Variants in NTM observed in about 807,000 individuals in gnomAD.
NTM encodes neurotrimin.
NTM carries 13 observed loss-of-function variants against 42.1 expected under a neutral mutation model. That is an observed-to-expected ratio of 0.31 (90% CI 0.20 to 0.49). NTM has a LOEUF of 0.49. Ranked by LOEUF, NTM falls within the 20% of genes least tolerant of loss-of-function variation. The pLI is 0.99. For missense variants in NTM, 373 were observed against 452.8 expected, an observed-to-expected ratio of 0.82 and a Z score of 1.60; for synonymous variants, 187 against 179.2, an observed-to-expected ratio of 1.04 and a Z score of -0.35.
chr11:131,523,243 T>G (rs2049992170), intron 1 of NTM, among the ~76,000 whole-genome samples: 1 of 152,188 alleles, frequency 6.6e-6, no homozygotes, highest in Admixed American at 6.5e-5. Context: ...TCAAGAGAAC[T>G]CCTAGGACAT....
Position 131,833,822 on chromosome 11 carries a change from G to C in NTM, c.83-77742G>C, listed in dbSNP as rs141803313. 1.4e-3 allele frequency among the ~76,000 whole-genome samples: 220 copies of C among 152,256 alleles called. 3 individuals carry two copies. The highest frequency in any genetic ancestry group is 5.0e-3 in the African/African-American group (207 of 41,554). On this transcript the variant is annotated intron_variant, in intron 1 of 8. Coordinates refer to ENST00000683400, the MANE Select transcript of NTM (RefSeq NM_001352005.2). Reference sequence around the variant, plus strand: ...GGCATAAATTCTATTATGCAAGAAAGGTAACTTCCTTTTTCTTCCTGTAAC... The same window carrying C: ...GGCATAAATTCTATTATGCAAGAAACGTAACTTCCTTTTTCTTCCTGTAAC...
chr11:132,287,938 G>A (rs1415475519), intron 4 of NTM, among the ~76,000 whole-genome samples: 2 of 152,124 alleles, frequency 1.3e-5, no homozygotes, highest in Non-Finnish European at 2.9e-5. Flanking sequence ...AATAATTGAG[G>A]CTACTCATTT....
At chr11:131,592,040 T>C (rs1455404438) in intron 1 of NTM, among the ~76,000 whole-genome samples, 1 of 152,184 alleles carries the variant, frequency 6.6e-6, no homozygotes, top group Non-Finnish European at 1.5e-5. Flanking sequence ...GGTTGGATAA[T>C]GATGTTCCTC....
intron 1 of NTM, chr11:131,605,778 A>G (rs1170950705): frequency 3.0e-6 from 3 of 984,422 alleles, no homozygotes; most frequent in Non-Finnish European, 3.6e-6. Flanking sequence ...AAGGTGCCCT[A>G]TTCAATTTGA....
At chr11:131,385,045 G>A (rs1358429763) in intron 1 of NTM, among the ~76,000 whole-genome samples, 1 of 152,164 alleles carries the variant, frequency 6.6e-6, no homozygotes, top group Non-Finnish European at 1.5e-5. Flanking sequence ...GGAGGTACCC[G>A]GGCATTGCCC....
intron 2 of NTM, among the ~76,000 whole-genome samples, chr11:132,037,296 A>C (rs2076625480): frequency 6.6e-6 from 1 of 152,100 alleles, no homozygotes; most frequent in Admixed American, 6.5e-5. Context: ...TGATTTCTGC[A>C]CATGCCGGCT....
At chr11:131,989,192 T>G (rs1368092856) in intron 2 of NTM, among the ~76,000 whole-genome samples, 1 of 152,228 alleles carries the variant, frequency 6.6e-6, no homozygotes, top group African/African-American at 2.4e-5. Flanking sequence ...ATGTCTCATG[T>G]TATCCCCTGC....
At chr11:131,851,305 G>C (rs9787803) in intron 1 of NTM, among the ~76,000 whole-genome samples, 1 of 151,644 alleles carries the variant, frequency 6.6e-6, no homozygotes, top group African/African-American at 2.4e-5. Context: ...GCTTGGGAGG[G>C]TGTACAGTCC....
intron 1 of NTM, among the ~76,000 whole-genome samples, chr11:131,518,983 C>A (rs528216038): frequency 1.3e-5 from 2 of 152,336 alleles, no homozygotes; most frequent in East Asian, 3.9e-4. Context: ...TTTTATTTCT[C>A]TGCAGAAGTA....
chr11:131,853,807 G>A (rs1329811904), intron 1 of NTM, among the ~76,000 whole-genome samples: 1 of 152,150 alleles, frequency 6.6e-6, no homozygotes, highest in African/African-American at 2.4e-5. Context: ...AGGTCTTTGA[G>A]GAATCACCAG....
Position 131,615,406 on chromosome 11 carries a change from C to A in NTM, c.82+244518C>A, listed in dbSNP as rs150556722. Among the ~76,000 whole-genome samples the A allele has an allele frequency of 1.5e-3, 235 of 152,218 alleles. 1 individual carries two copies. Among genetic ancestry groups the A allele is most frequent in the African/African-American group, 5.6e-3 (231 of 41,500 alleles). On this transcript the variant is annotated intron_variant, in intron 1 of 8. Transcript: ENST00000683400. ...TTTAGACGGAGTCTCTCTCTTGTCA[C>A]CCAGGCTGGAGTGCAGTGGTGCAAT...
chr11:131,961,130 TG>T lies in NTM; in HGVS notation c.167+49486del, dbSNP rs375094995. ...AAAGGGTGGGCCAACTATGCTGGCC[TG>T]GGGTTGCTGTCAAGGGAAGAAAATA... is the stretch of plus-strand genomic sequence containing the variant. On this transcript the variant is annotated intron_variant, in intron 2 of 8. Transcript: ENST00000683400. 5.1e-3 allele frequency among the ~76,000 whole-genome samples: 779 copies of T among 152,278 alleles called. 7 individuals carry two copies. Among genetic ancestry groups the T allele is most frequent in the African/African-American group, 0.018 (750 of 41,572 alleles).
intron 3 of NTM, among the ~76,000 whole-genome samples, chr11:132,196,430 C>G (rs921910038): frequency 6.6e-5 from 10 of 151,986 alleles, no homozygotes; most frequent in Admixed American, 5.9e-4. Context: ...ATGCAGCACT[C>G]TTGTTACTGG....
chr11:132,102,127 C>A (rs550047205), intron 2 of NTM, among the ~76,000 whole-genome samples: 2 of 152,358 alleles, frequency 1.3e-5, no homozygotes, highest in East Asian at 3.9e-4. Context: ...GCCACTCTTT[C>A]TCATTCTTCA....
intron 1 of NTM, among the ~76,000 whole-genome samples, chr11:131,437,739 A>G (rs554164783): frequency 6.6e-6 from 1 of 152,162 alleles, no homozygotes; most frequent in South Asian, 2.1e-4. Flanking sequence ...CTCTTTATCC[A>G]ATTTGCCAGT....
intron 2 of NTM, among the ~76,000 whole-genome samples, chr11:132,025,571 C>A (rs769450896): frequency 7.2e-5 from 11 of 152,118 alleles, no homozygotes; most frequent in Non-Finnish European, 1.3e-4. Flanking sequence ...CCCTCTGATG[C>A]TCCCTAAACT....
Position 132,108,334 on chromosome 11 carries a change from A to T in NTM, c.168-37948A>T, listed in dbSNP as rs182815033. Among the ~76,000 whole-genome samples the T allele has an allele frequency of 6.4e-3, 974 of 152,272 alleles. 7 individuals are homozygous for T. Among genetic ancestry groups the T allele is most frequent in the Non-Finnish European group, 9.1e-3 (622 of 68,038 alleles). On this transcript the variant is annotated intron_variant, in intron 2 of 8. Transcript: ENST00000683400. ...TTTCCCTTGATACTCTGTTCTCCAA[A>T]AGAAAGGCAAAAACATATTTTTAAG...
chr11:131,859,968 G>T (rs1012411750), intron 1 of NTM, among the ~76,000 whole-genome samples: 2 of 151,926 alleles, frequency 1.3e-5, no homozygotes, highest in Non-Finnish European at 2.9e-5. Flanking sequence ...TTGTCTGGAG[G>T]TTCCTTGGCA....
At chr11:131,737,457 T>C (rs11819970) in intron 1 of NTM, among the ~76,000 whole-genome samples, 39,931 of 152,102 alleles carry the variant, frequency 0.26, 6,614 homozygotes, top group African/African-American at 0.47. Flanking sequence ...ACCATTCATG[T>C]TATTTGTTTT....
Sources: allele counts gnomAD v4.1 joint callset (sites outside exome capture counted in the v4.1 genomes callset), GRCh38; gene constraint gnomAD v4.1.1; transcripts MANE v1.5; gene names NCBI Gene and HGNC (gene_info 2026-07-23, HGNC 2026-07-21).